Variants in MAST4 observed in about 807,000 individuals in gnomAD.
MAST4 encodes microtubule associated serine/threonine kinase family member 4.
Under a neutral mutation model 162.7 loss-of-function variants are expected in MAST4, and 89 were observed. The ratio of observed to expected loss-of-function variants is 0.55; its 90% confidence interval spans 0.46 to 0.65. MAST4 has a LOEUF of 0.65. MAST4 is among the 30% of genes least tolerant of loss of function. The probability of loss-of-function intolerance (pLI) is 0.00; values close to 1 mark genes in which losing one functional copy is unlikely to be tolerated. For missense variants in MAST4, 3,153 were observed against 3,374.0 expected, an observed-to-expected ratio of 0.93 and a Z score of 1.62; for synonymous variants, 1,479 against 1,361.1, an observed-to-expected ratio of 1.09 and a Z score of -1.91.
At chr5:66,728,821 G>A (rs1751671572) in intron 1 of MAST4, among the ~76,000 whole-genome samples, 1 of 152,150 alleles carries the variant, frequency 6.6e-6, no homozygotes, top group South Asian at 2.1e-4. Flanking sequence ...AGTCGTGATG[G>A]CTTTCTTTAT....
intron 4 of MAST4, among the ~76,000 whole-genome samples, chr5:67,047,223 G>C (rs562252767): frequency 6.6e-6 from 1 of 152,332 alleles, no homozygotes; most frequent in Non-Finnish European, 1.5e-5. Context: ...ACAAAAGTCA[G>C]GTTATGTTCA....
chr5:66,986,368 A>G (rs1749494463), intron 4 of MAST4: 1 of 1,005,086 alleles, frequency 9.9e-7, no homozygotes, highest in Non-Finnish European at 1.5e-6. Context: ...ACAGAGAAAT[A>G]CTTGCTCTTT....
At chr5:66,930,520 T>G (rs1014348038) in intron 4 of MAST4, among the ~76,000 whole-genome samples, 4 of 152,156 alleles carry the variant, frequency 2.6e-5, no homozygotes, top group Admixed American at 2.0e-4. Flanking sequence ...TGTGTGTATA[T>G]GATTGTGAAT....
intron 3 of MAST4, among the ~76,000 whole-genome samples, chr5:66,878,293 A>G (rs972458014): frequency 2.0e-5 from 3 of 152,252 alleles, no homozygotes; most frequent in Non-Finnish European, 2.9e-5. Context: ...GGACAAAGCT[A>G]TGACAGCGTG....
intron 1 of MAST4, among the ~76,000 whole-genome samples, chr5:66,734,195 A>G (rs1214621696): frequency 1.3e-5 from 2 of 152,180 alleles, no homozygotes; most frequent in Non-Finnish European, 2.9e-5. Context: ...TAATTCTCCC[A>G]TAGTTACTGT....
intron 2 of MAST4, among the ~76,000 whole-genome samples, chr5:66,768,338 G>T (rs1252666939): frequency 6.6e-6 from 1 of 152,056 alleles, no homozygotes; most frequent in African/African-American, 2.4e-5. Flanking sequence ...AATGTGAAAG[G>T]GTTGACCTTT....
At chr5:66,964,901 G>C (rs916488871) in intron 4 of MAST4, among the ~76,000 whole-genome samples, 1 of 152,176 alleles carries the variant, frequency 6.6e-6, no homozygotes, top group African/African-American at 2.4e-5. Flanking sequence ...TTTCATAAAC[G>C]CAAATGAATG....
intron 26 of MAST4, among the ~76,000 whole-genome samples, chr5:67,159,697 G>T (rs892229885): frequency 3.3e-5 from 5 of 152,168 alleles, no homozygotes; most frequent in African/African-American, 1.2e-4. Flanking sequence ...CCCTCGGCCT[G>T]ACTGCTGACT....
intron 4 of MAST4, among the ~76,000 whole-genome samples, chr5:66,972,821 C>T (rs1332856019): frequency 3.9e-5 from 6 of 152,308 alleles, no homozygotes; most frequent in South Asian, 4.1e-4. Context: ...TTCCGTGATC[C>T]GGCTTCCTGC....
intron 3 of MAST4, among the ~76,000 whole-genome samples, chr5:66,792,938 A>G (rs1364019): frequency 0.049 from 7,451 of 152,312 alleles, 273 homozygotes; most frequent in South Asian, 0.13. Flanking sequence ...CATTATACTC[A>G]ATATAACAGT....
intron 1 of MAST4, among the ~76,000 whole-genome samples, chr5:66,729,316 ATG>A (rs1290268915): frequency 6.6e-6 from 1 of 152,208 alleles, no homozygotes; most frequent in Non-Finnish European, 1.5e-5. Flanking sequence ...TTGGGGGTAT[ATG>A]TGTTAATATG....
intron 23 of MAST4, among the ~76,000 whole-genome samples, chr5:67,145,689 C>T (rs1271902998): frequency 1.1e-4 from 16 of 152,102 alleles, no homozygotes; most frequent in Non-Finnish European, 2.1e-4. Context: ...GCTAAGGGAG[C>T]GTGTTCTCAG....
intron 4 of MAST4, among the ~76,000 whole-genome samples, chr5:67,009,604 T>C (rs1752434673): frequency 6.6e-6 from 1 of 152,224 alleles, no homozygotes; most frequent in Admixed American, 6.5e-5. Context: ...GTAAAATGCT[T>C]AATGAAATGA....
chr5:66,652,229 C>G (rs138067078), intron 1 of MAST4, among the ~76,000 whole-genome samples: 15 of 152,252 alleles, frequency 9.9e-5, no homozygotes, highest in African/African-American at 3.4e-4. Flanking sequence ...ACTGGTTTTT[C>G]AGCTTGGATC....
chr5:67,067,344 A>G (rs1005451076), intron 5 of MAST4, among the ~76,000 whole-genome samples: 4 of 152,318 alleles, frequency 2.6e-5, no homozygotes, highest in African/African-American at 4.8e-5. Flanking sequence ...CATCTATCAA[A>G]TGGAAGTAGT....
At position 67,160,534 on chromosome 5, in the gene MAST4, T is replaced by C; in HGVS notation, c.3727T>C (p.Tyr1243His). Residue 1243 changes from tyrosine to histidine, a missense_variant, in exon 27 of 29, where the codon TAT becomes CAT. Physicochemically the swap from Tyr to His is moderately conservative, Grantham distance 83. Around this residue, in one of 7 missense-constraint regions of MAST4, gnomAD observed 619 missense variants for 744.2 expected, o/e 0.83. Coordinates refer to ENST00000403625, the MANE Select transcript of MAST4 (RefSeq NM_001164664.2). ...AACTGGACCAGCCAGGAGAAACAGCTATAAGAGCCGGATGGTGAGGCGGAG... is the reference window on the plus strand; with the variant it reads ...AACTGGACCAGCCAGGAGAAACAGCCATAAGAGCCGGATGGTGAGGCGGAG... ...IKTGPARRNS[Y>H]KSRMVRRSKK... 1.2e-6 allele frequency: 2 copies of C among 1,613,896 alleles called. No individual in the cohort carries two copies. Among genetic ancestry groups the C allele is most frequent in the Non-Finnish European group, 8.5e-7 (1 of 1,179,832 alleles).
intron 4 of MAST4, among the ~76,000 whole-genome samples, chr5:66,995,406 TTGTC>T (rs919344808): frequency 1.6e-4 from 25 of 152,108 alleles, no homozygotes; most frequent in African/African-American, 6.0e-4. Context: ...AGAAATTTTT[TTGTC>T]TGTTTGTTTT....
At chr5:66,750,862 G>T (rs1753107485) in intron 1 of MAST4, among the ~76,000 whole-genome samples, 1 of 152,228 alleles carries the variant, frequency 6.6e-6, no homozygotes, top group South Asian at 2.1e-4. Context: ...CAAACAAAAA[G>T]ACAGCAGTAA....
chr5:66,713,545 T>G (rs1750627573), intron 1 of MAST4, among the ~76,000 whole-genome samples: 1 of 152,242 alleles, frequency 6.6e-6, no homozygotes, highest in South Asian at 2.1e-4. Flanking sequence ...AATAATATTT[T>G]ACACTATGAA....
Sources: gnomAD v4.1 joint callset for allele counts (sites outside exome capture counted in the v4.1 genomes callset) on GRCh38, gnomAD v4.1.1 for gene constraint, gnomAD v4.1.1 regional missense constraint, MANE v1.5 for transcripts, NCBI Gene and HGNC (gene_info 2026-07-23, HGNC 2026-07-21) for gene names.